Variants in LUZP2 observed in about 807,000 individuals in gnomAD.
LUZP2 encodes leucine zipper protein 2.
In LUZP2, 52 loss-of-function variants were observed where a neutral mutation model predicts 51.6. That is an observed-to-expected ratio of 1.01 (90% CI 0.81 to 1.27). The LOEUF (loss-of-function observed/expected upper bound fraction) is 1.27, where lower values mean the gene tolerates loss of function less well. Among genes scored for constraint, LUZP2 ranks in the 50% most tolerant of loss-of-function variants. The pLI is 0.00. For synonymous variants in LUZP2, 154 were observed against 137.3 expected, an observed-to-expected ratio of 1.12 and a Z score of -0.85; for missense variants, 436 against 395.4, an observed-to-expected ratio of 1.10 and a Z score of -0.87.
chr11:24,593,804 T>C (rs779418632), intron 1 of LUZP2, among the ~76,000 whole-genome samples: 17 of 152,268 alleles, frequency 1.1e-4, no homozygotes, highest in Non-Finnish European at 2.1e-4. Flanking sequence ...TCAAACAAAT[T>C]CCTAAGGCCA....
At chr11:24,499,123 T>G (rs9667545) in intron 1 of LUZP2, among the ~76,000 whole-genome samples, 36,118 of 152,132 alleles carry the variant, frequency 0.24, 5,211 homozygotes, top group African/African-American at 0.41. Context: ...TAATCATCTA[T>G]TTCACTTTAG....
At chr11:24,784,433 C>A (rs780804174) in intron 5 of LUZP2, among the ~76,000 whole-genome samples, 8 of 151,906 alleles carry the variant, frequency 5.3e-5, no homozygotes, top group Non-Finnish European at 1.2e-4. Context: ...GGTGTTGGTT[C>A]TATTAGAAGA....
chr11:24,774,034 G>A (rs147299304), intron 5 of LUZP2, among the ~76,000 whole-genome samples: 2 of 152,070 alleles, frequency 1.3e-5, no homozygotes, highest in African/African-American at 2.4e-5. Context: ...GTTGCCAAAG[G>A]AGGTTAACAT....
chr11:24,675,789 A>ATT (rs376929981), intron 1 of LUZP2, among the ~76,000 whole-genome samples: 11,840 of 136,288 alleles, frequency 0.087, 544 homozygotes, highest in East Asian at 0.19. Context: ...TCTTTTTTTT[A>ATT]TATTTATTTA....
At chr11:24,780,613 C>G (rs901753273) in intron 5 of LUZP2, among the ~76,000 whole-genome samples, 1 of 152,024 alleles carries the variant, frequency 6.6e-6, no homozygotes, top group Non-Finnish European at 1.5e-5. Context: ...TGATGATGAT[C>G]GTAATAACAA....
intron 1 of LUZP2, among the ~76,000 whole-genome samples, chr11:24,541,918 A>C (rs979970703): frequency 2.0e-5 from 3 of 151,972 alleles, no homozygotes. Context: ...AGAAAAAAAA[A>C]ACACCTGTTA....
At chr11:24,832,086 A>G (rs547816971) in intron 5 of LUZP2, 1 of 152,498 alleles carries the variant, frequency 6.6e-6, no homozygotes, top group Non-Finnish European at 1.5e-5. Flanking sequence ...TATCCCCCAA[A>G]ACTTTTACTT....
chr11:24,584,199 A>G (rs1852978735), intron 1 of LUZP2, among the ~76,000 whole-genome samples: 1 of 152,142 alleles, frequency 6.6e-6, no homozygotes, highest in Non-Finnish European at 1.5e-5. Flanking sequence ...ACTTGTATGG[A>G]CAGACCAAAT....
chr11:24,662,208 T>C (rs1031057801), intron 1 of LUZP2, among the ~76,000 whole-genome samples: 1 of 152,024 alleles, frequency 6.6e-6, no homozygotes, highest in African/African-American at 2.4e-5. Flanking sequence ...ATAAGAGACA[T>C]TAAAACAAGC....
intron 5 of LUZP2, among the ~76,000 whole-genome samples, chr11:24,807,646 G>A (rs1216626787): frequency 6.6e-6 from 1 of 151,958 alleles, no homozygotes; most frequent in East Asian, 1.9e-4. Context: ...ATGAATTGGG[G>A]GTGTGTGGAG....
intron 10 of LUZP2, among the ~76,000 whole-genome samples, chr11:25,053,916 A>T (rs1010167478): frequency 6.6e-6 from 1 of 152,104 alleles, no homozygotes; most frequent in Non-Finnish European, 1.5e-5. Context: ...CTATTCTCCC[A>T]TCTTCACCAT....
chr11:24,927,010 G>A (rs1854297971), intron 7 of LUZP2, among the ~76,000 whole-genome samples: 1 of 151,170 alleles, frequency 6.6e-6, no homozygotes, highest in Non-Finnish European at 1.5e-5. Flanking sequence ...GAAATGTTGA[G>A]TATTTTCTTA....
At chr11:24,513,046 C>G (rs1027889284) in intron 1 of LUZP2, among the ~76,000 whole-genome samples, 1 of 151,802 alleles carries the variant, frequency 6.6e-6, no homozygotes, top group Admixed American at 6.6e-5. Context: ...GCGTGAGCCA[C>G]CGCGCCCAGC....
Position 24,770,899 on chromosome 11 carries a change from G to A in LUZP2, c.396+7591G>A, listed in dbSNP as rs142666354. ...GCTGTCTTGAGAAAGCACTACCTCC[G>A]CCTGAATCAGGAAGTTGCCAGCCTG... On this transcript the variant is annotated intron_variant, in intron 5 of 11. Transcript: ENST00000336930. 7.2e-5 allele frequency among the ~76,000 whole-genome samples: 11 copies of A among 152,186 alleles called. No homozygotes were observed. In the East Asian group the frequency reaches 1.2e-3, roughly 16 times the overall value.
chr11:24,686,445 A>G (rs375613621), intron 1 of LUZP2, among the ~76,000 whole-genome samples: 1 of 152,180 alleles, frequency 6.6e-6, no homozygotes, highest in Non-Finnish European at 1.5e-5. Context: ...GCCACCTTAA[A>G]TATGTCCTCA....
chr11:24,659,171 C>A (rs1267944936), intron 1 of LUZP2, among the ~76,000 whole-genome samples: 1 of 152,090 alleles, frequency 6.6e-6, no homozygotes, highest in Non-Finnish European at 1.5e-5. Flanking sequence ...GGAACCAACC[C>A]AAATGTCCAT....
chr11:24,818,747 T>G (rs1337749845), intron 5 of LUZP2, among the ~76,000 whole-genome samples: 1 of 152,078 alleles, frequency 6.6e-6, no homozygotes, highest in East Asian at 1.9e-4. Flanking sequence ...TAAACATCAC[T>G]TTCACAGAGA....
chr11:25,066,985 C>T (rs1191161864), intron 10 of LUZP2, among the ~76,000 whole-genome samples: 1 of 151,940 alleles, frequency 6.6e-6, no homozygotes, highest in Non-Finnish European at 1.5e-5. Flanking sequence ...ATTAAAACTA[C>T]AAAAGGTATT....
intron 5 of LUZP2, among the ~76,000 whole-genome samples, chr11:24,857,040 C>T (rs952617217): frequency 2.6e-5 from 4 of 151,874 alleles, no homozygotes; most frequent in Non-Finnish European, 5.9e-5. Context: ...CACCACTATG[C>T]AATATATCCA....
Sources: allele counts gnomAD v4.1 joint callset (sites outside exome capture counted in the v4.1 genomes callset), GRCh38; gene constraint gnomAD v4.1.1; transcripts MANE v1.5; gene names NCBI Gene and HGNC (gene_info 2026-07-23, HGNC 2026-07-21).